The following TDRD1 variants were observed in gnomAD, a reference collection of about 807,000 sequenced individuals.
TDRD1 encodes the protein tudor domain containing 1, also known as tudor domain-containing protein 1.
A neutral mutation model predicts 140.6 loss-of-function variants in TDRD1; 37 were observed. The ratio of observed to expected loss-of-function variants is 0.26; its 90% CI spans 0.20 to 0.35. The LOEUF is 0.35. TDRD1 is among the 10% of genes least tolerant of loss of function. The pLI, the probability that TDRD1 is intolerant of heterozygous loss-of-function variation, is 1.00. For missense variants in TDRD1, 1,243 were observed against 1,393.0 expected (o/e 0.89, Z 1.71); for synonymous variants, 506 against 475.7 (o/e 1.06, Z -0.83).
chr10:114,212,916 G>T (rs2133078948), intron 14 of TDRD1, among the ~76,000 whole-genome samples: 1 of 152,236 alleles, frequency 6.6e-6, no homozygotes, highest in East Asian at 1.9e-4. Context: ...CCCTGGTATG[G>T]TCTCTCGTGC....
At chr10:114,208,556 A>C (rs781750490) in intron 11 of TDRD1, among the ~76,000 whole-genome samples, 1 of 151,894 alleles carries the variant, frequency 6.6e-6, no homozygotes, top group Non-Finnish European at 1.5e-5. Flanking sequence ...CTCTCCTCCT[A>C]CTGTGTTCCT....
intron 18 of TDRD1, among the ~76,000 whole-genome samples, chr10:114,218,828 C>A (rs2035967019): frequency 6.6e-6 from 1 of 152,192 alleles, no homozygotes; most frequent in African/African-American, 2.4e-5. Context: ...TGGCAGGATT[C>A]CTTAAGAACC....
intron 1 of TDRD1, among the ~76,000 whole-genome samples, chr10:114,184,145 A>C (rs1236527603): frequency 2.6e-5 from 4 of 151,812 alleles, no homozygotes; most frequent in African/African-American, 7.3e-5. Context: ...CACTAGGCAG[A>C]AAATGCATAC....
chr10:114,215,775 A>G (rs542760452), intron 16 of TDRD1, among the ~76,000 whole-genome samples: 1 of 152,336 alleles, frequency 6.6e-6, no homozygotes, highest in Non-Finnish European at 1.5e-5. Context: ...CAAACATAAT[A>G]TAAAAATTCT....
At chr10:114,227,579 T>C (rs1486873332) in intron 23 of TDRD1, among the ~76,000 whole-genome samples, 5 of 152,240 alleles carry the variant, frequency 3.3e-5, no homozygotes, top group African/African-American at 1.2e-4. Flanking sequence ...GTGCTTCTTA[T>C]TTCCAATTTA....
intron 18 of TDRD1, among the ~76,000 whole-genome samples, chr10:114,219,423 G>A (rs886596796): frequency 6.6e-6 from 1 of 152,106 alleles, no homozygotes; most frequent in Non-Finnish European, 1.5e-5. Flanking sequence ...ATAAGAGAAT[G>A]TGTGTATATG....
chr10:114,213,977 T>G, exon 16 of TDRD1: 2 of 1,613,922 alleles, frequency 1.2e-6, no homozygotes, highest in Non-Finnish European at 1.7e-6. Flanking sequence ...ATTTTCACAG[T>G]TCCCTTGGGT....
chr10:114,215,449 G>A (rs2035760336), intron 16 of TDRD1, among the ~76,000 whole-genome samples: 1 of 152,080 alleles, frequency 6.6e-6, no homozygotes, highest in Non-Finnish European at 1.5e-5. Context: ...ATGTAAATTT[G>A]CAGCTTCCCC....
intron 10 of TDRD1, 42 bp from the exon 11 acceptor site, chr10:114,206,202 A>G (rs758914268): frequency 5.0e-6 from 7 of 1,394,298 alleles, no homozygotes; most frequent in South Asian, 1.2e-5. Flanking sequence ...AATTCTTTGT[A>G]TAGTTTCTCA....
chr10:114,224,478 C>G (rs185840015), intron 21 of TDRD1, among the ~76,000 whole-genome samples: 17 of 152,264 alleles, frequency 1.1e-4, no homozygotes, highest in East Asian at 5.8e-4. Context: ...GAGAAACTTT[C>G]CTGAATTAAT....
exon 2 of TDRD1, chr10:114,187,961 C>T: frequency 1.2e-6 from 2 of 1,614,124 alleles, no homozygotes; most frequent in Non-Finnish European, 8.5e-7. Flanking sequence ...TTTAAGAAGT[C>T]CTGGAACACT....
chr10:114,198,494 G>T (rs1047976542), intron 3 of TDRD1, among the ~76,000 whole-genome samples: 1 of 152,158 alleles, frequency 6.6e-6, no homozygotes, highest in African/African-American at 2.4e-5. Context: ...GCCTTGTGAG[G>T]GTGGAAATCT....
intron 14 of TDRD1, 75 bp from the exon 15 acceptor site, chr10:114,213,271 C>T (rs1287553041): frequency 7.0e-7 from 1 of 1,424,722 alleles, no homozygotes; most frequent in Non-Finnish European, 9.5e-7. Flanking sequence ...TTAAGTTTAC[C>T]TTGGGGGAAA....
In TDRD1 at chr10:114,181,198, G is replaced by T. The variant is rs539478744; in HGVS notation, c.-7+1782G>T. On this transcript the variant is annotated intron_variant, in intron 1 of 25. Transcript: ENST00000251864. ...CTGAGAAAATGAGGTACTCTTTAAC[G>T]TAGAGAAATGTTGAGACCCTTCTAG... 4.6e-5 allele frequency among the ~76,000 whole-genome samples: 7 copies of T among 152,308 alleles called. No homozygotes were observed. In the East Asian group the frequency reaches 1.2e-3, roughly 25 times the overall value.
chr10:114,189,892 G>A (rs955979095), intron 2 of TDRD1, among the ~76,000 whole-genome samples: 12 of 152,270 alleles, frequency 7.9e-5, no homozygotes, highest in Admixed American at 6.5e-4. Flanking sequence ...AATCCAAAGT[G>A]CGGGATAATC....
intron 3 of TDRD1, among the ~76,000 whole-genome samples, chr10:114,198,460 G>A (rs1564942160): frequency 6.6e-6 from 1 of 152,174 alleles, no homozygotes; most frequent in Non-Finnish European, 1.5e-5. Flanking sequence ...ACACCTGTGA[G>A]CAGGTTGGGG....
intron 2 of TDRD1, among the ~76,000 whole-genome samples, chr10:114,188,701 A>T (rs1431155526): frequency 6.6e-6 from 1 of 151,996 alleles, no homozygotes; most frequent in Non-Finnish European, 1.5e-5. Context: ...TACTAAAAAT[A>T]CAGAAACTAG....
At chr10:114,214,912 T>C (rs1036894297) in intron 16 of TDRD1, among the ~76,000 whole-genome samples, 2 of 151,996 alleles carry the variant, frequency 1.3e-5, no homozygotes, top group African/African-American at 2.4e-5. Flanking sequence ...TAATTTTTTT[T>C]TTGTATTTTT....
chr10:114,218,574 C>G, exon 18 of TDRD1: 1 of 1,601,832 alleles, frequency 6.2e-7, no homozygotes, highest in Non-Finnish European at 8.5e-7. Flanking sequence ...GAATACGGTG[C>G]CAGTTAGCAG....
Sources: gnomAD v4.1 joint callset for allele counts (sites outside exome capture counted in the v4.1 genomes callset) on GRCh38, gnomAD v4.1.1 for gene constraint, MANE v1.5 for transcripts, NCBI Gene and HGNC (gene_info 2026-07-23, HGNC 2026-07-21) for gene names.